The following SYNJ1 variants were observed in gnomAD, a reference collection of about 807,000 sequenced individuals.
SYNJ1 encodes synaptojanin 1.
SYNJ1 carries 78 observed loss-of-function variants against 168.2 expected under a neutral mutation model. The observed-to-expected ratio is 0.46, with a 90% CI of 0.39 to 0.56. The LOEUF (loss-of-function observed/expected upper bound fraction) is 0.56. SYNJ1 is among the 20% of genes least tolerant of loss of function. The pLI is 0.00. For missense variants in SYNJ1, 1,303 were observed against 1,597.6 expected, an observed-to-expected ratio of 0.82 and a Z score of 3.14; for synonymous variants, 539 against 548.6, an observed-to-expected ratio of 0.98 and a Z score of 0.24.
chr21:32,659,379 C>T (rs1055517274), intron 18 of SYNJ1, among the ~76,000 whole-genome samples: 1 of 152,044 alleles, frequency 6.6e-6, no homozygotes, highest in Non-Finnish European at 1.5e-5. Flanking sequence ...TAAGGGAGGA[C>T]ACCACCCCAC....
In SYNJ1 at chr21:32,629,930, C is replaced by T. The variant is rs537953447; in HGVS notation, c.*1875G>A. On this transcript the variant is annotated 3_prime_UTR_variant, in exon 33 of 33. Transcript: ENST00000674351. ...GCCTCGTAAGAGGGGGGAGAACACA[C>T]ACTGGGTATATTCCCAATTCAAAGC... 10 of 152,604 alleles carry T rather than the reference C, an allele frequency of 6.6e-5. No individual in the cohort carries two copies. In the South Asian group the frequency reaches 2.1e-3, roughly 32 times the overall value. 9.5% of individuals were successfully genotyped at this position (152,604 alleles called of 1,614,324 possible). A position where few individuals can be genotyped will look rare whatever the true frequency, so the allele number is the denominator to read the frequency against.
At chr21:32,643,371 A>G (rs1358460735) in intron 27 of SYNJ1, 39 bp downstream of exon 27, 16 of 1,610,182 alleles carry the variant, frequency 9.9e-6, no homozygotes, top group Non-Finnish European at 1.4e-5. Flanking sequence ...TGAGAAATAA[A>G]ATGAGAGAAC....
chr21:32,722,204 AAAT>A (rs1422639748), intron 2 of SYNJ1, among the ~76,000 whole-genome samples: 2,932 of 70,998 alleles, frequency 0.041, 25 homozygotes, highest in African/African-American at 0.09. Flanking sequence ...AAAAAAAAAA[AAAT>A]ATATATATAT....
At chr21:32,643,041 CATT>C (rs1172454842) in intron 27 of SYNJ1, among the ~76,000 whole-genome samples, 1 of 152,110 alleles carries the variant, frequency 6.6e-6, no homozygotes, top group African/African-American at 2.4e-5. Context: ...TAATTATAAT[CATT>C]AATTTTTAAA....
intron 18 of SYNJ1, among the ~76,000 whole-genome samples, chr21:32,663,673 A>T (rs778769744): frequency 1.3e-5 from 2 of 152,220 alleles, no homozygotes; most frequent in Non-Finnish European, 2.9e-5. Flanking sequence ...TGAGAGAATC[A>T]TACAATATTA....
chr21:32,637,876 T>C (rs2039651422), intron 31 of SYNJ1, among the ~76,000 whole-genome samples: 1 of 152,234 alleles, frequency 6.6e-6, no homozygotes, highest in Non-Finnish European at 1.5e-5. Context: ...TTGAATCATA[T>C]TTACTTTAAT....
chr21:32,666,383 T>A, intron 16 of SYNJ1, 50 bp downstream of exon 16: 1 of 1,562,570 alleles, frequency 6.4e-7, no homozygotes. Context: ...GCTTTTTTCT[T>A]GTTATTTAAT....
intron 18 of SYNJ1, 95 bp from the exon 19 acceptor site, chr21:32,657,967 G>T: frequency 1.1e-6 from 1 of 943,974 alleles, no homozygotes; most frequent in Non-Finnish European, 1.6e-6. Context: ...TTACATGCTG[G>T]ATGCTCTCAG....
intron 4 of SYNJ1, among the ~76,000 whole-genome samples, chr21:32,699,556 G>A (rs1021693209): frequency 4.6e-5 from 7 of 152,158 alleles, no homozygotes; most frequent in Non-Finnish European, 8.8e-5. Flanking sequence ...ATCCTAAGAG[G>A]AGTTCCGGGG....
intron 12 of SYNJ1, among the ~76,000 whole-genome samples, chr21:32,676,971 T>G (rs2041436636): frequency 6.6e-6 from 1 of 152,218 alleles, no homozygotes; most frequent in Non-Finnish European, 1.5e-5. Context: ...ATTATACATG[T>G]TAAATGGTTA....
At chr21:32,697,617 T>C (rs1215466871) in intron 4 of SYNJ1, among the ~76,000 whole-genome samples, 1 of 151,962 alleles carries the variant, frequency 6.6e-6, no homozygotes, top group Middle Eastern at 3.2e-3. Flanking sequence ...CTGGCCAACG[T>C]GGTGAAACCC....
intron 2 of SYNJ1, among the ~76,000 whole-genome samples, chr21:32,717,478 G>C (rs917648323): frequency 1.3e-5 from 2 of 152,156 alleles, no homozygotes; most frequent in Non-Finnish European, 2.9e-5. Flanking sequence ...CGGTTACTTG[G>C]AAACAGTGGC....
At chr21:32,707,650 C>A (rs1470039395) in intron 2 of SYNJ1, among the ~76,000 whole-genome samples, 1 of 152,048 alleles carries the variant, frequency 6.6e-6, no homozygotes, top group African/African-American at 2.4e-5. Context: ...CCTTATATCT[C>A]AACACAATAC....
chr21:32,718,629 A>G lies in SYNJ1; in HGVS notation c.124+8143T>C, dbSNP rs1422822979. On this transcript the variant is annotated intron_variant, in intron 2 of 32. Transcript: ENST00000674351. ...AGAGACAGGACACTGCAACTTATCTAAAGGGCAATCATGTTGACAGCGTTT... is the reference window on the plus strand; with the variant it reads ...AGAGACAGGACACTGCAACTTATCTGAAGGGCAATCATGTTGACAGCGTTT... Among the ~76,000 whole-genome samples the G allele has an allele frequency of 3.3e-5, 5 of 152,096 alleles. No individual in the cohort carries two copies. The South Asian group carries it at 1.0e-3, about 31-fold the overall frequency.
Position 32,685,766 on chromosome 21 carries a change from T to C in SYNJ1, c.1100A>G (p.Asn367Ser), listed in dbSNP as rs562660511. The C allele has an allele frequency of 1.0e-5, 16 of 1,606,752 alleles. No individual in the cohort carries two copies. The highest frequency in any genetic ancestry group is 9.4e-5 in the African/African-American group (7 of 74,516). ...KFLDYGFFYF[N>S]GSEVQRCQSG... is the part of the protein sequence containing the mutation. ...GTCAAACCTTTGAACTTCACTTCCATTGAAATAAAAAAATCCATAATCTAG... is the reference window on the plus strand; with the variant it reads ...GTCAAACCTTTGAACTTCACTTCCACTGAAATAAAAAAATCCATAATCTAG... The change falls in exon 9 of 33, where the codon AAT (asparagine) becomes AGT (serine). Residue 367 changes from asparagine (N) to serine (S), a missense_variant. Around this residue, in one of 2 missense-constraint regions of SYNJ1, gnomAD observed 920 missense variants for 1,208.8 expected, o/e 0.76. Coordinates refer to ENST00000674351, the MANE Select transcript of SYNJ1 (RefSeq NM_203446.3).
At chr21:32,663,539 C>A (rs1168437164) in intron 18 of SYNJ1, among the ~76,000 whole-genome samples, 1 of 152,164 alleles carries the variant, frequency 6.6e-6, no homozygotes, top group East Asian at 1.9e-4. Flanking sequence ...GTTATTGGCA[C>A]TATTAAACCA....
chr21:32,678,957 A>C (rs1264948896), intron 11 of SYNJ1, 156 bp from the exon 12 acceptor site: 1 of 984,012 alleles, frequency 1.0e-6, no homozygotes, highest in Non-Finnish European at 1.4e-6. Flanking sequence ...TGACAATTAA[A>C]ATGCCTCCAA....
intron 29 of SYNJ1, among the ~76,000 whole-genome samples, chr21:32,641,069 T>A (rs1334483599): frequency 6.6e-6 from 1 of 152,160 alleles, no homozygotes; most frequent in South Asian, 2.1e-4. Context: ...AACCTTCAGA[T>A]TGTTAAGTGG....
At chr21:32,695,851 T>C (rs112748982) in intron 4 of SYNJ1, among the ~76,000 whole-genome samples, 1 of 150,018 alleles carries the variant, frequency 6.7e-6, no homozygotes, top group Non-Finnish European at 1.5e-5. Context: ...GTTTTGTTTT[T>C]TTTTTTCTTT....
Sources: gnomAD v4.1 joint callset for allele counts (sites outside exome capture counted in the v4.1 genomes callset) on GRCh38, gnomAD v4.1.1 for gene constraint, gnomAD v4.1.1 regional missense constraint, MANE v1.5 for transcripts, NCBI Gene and HGNC (gene_info 2026-07-23, HGNC 2026-07-21) for gene names.